The following GCNT2 variants were observed in gnomAD, a reference collection of about 807,000 sequenced individuals.
The protein encoded by GCNT2 is N-acetyllactosaminide beta-1,6-N-acetylglucosaminyl-transferase.
GCNT2 carries 34 observed loss-of-function variants against 34.2 expected under a neutral mutation model. The ratio of observed to expected loss-of-function variants is 1.00; its 90% confidence interval spans 0.76 to 1.32. The LOEUF (loss-of-function observed/expected upper bound fraction) is 1.32. Among genes scored for constraint, GCNT2 ranks in the 40% most tolerant of loss-of-function variants. The probability of loss-of-function intolerance (pLI) is 0.00; values close to 1 mark genes in which losing one functional copy is unlikely to be tolerated. For synonymous variants in GCNT2, 212 were observed against 188.0 expected, an observed-to-expected ratio of 1.13 and a Z score of -1.04; for missense variants, 584 against 489.4, an observed-to-expected ratio of 1.19 and a Z score of -1.82.
chr6:10,595,339 G>A (rs551315469), intron 3 of GCNT2, among the ~76,000 whole-genome samples: 28 of 151,828 alleles, frequency 1.8e-4, no homozygotes, highest in African/African-American at 6.0e-4. Flanking sequence ...GTGCAGTGGC[G>A]CGATCTTGGC....
At chr6:10,618,911 A>G (rs951271628) in intron 3 of GCNT2, among the ~76,000 whole-genome samples, 3 of 152,198 alleles carry the variant, frequency 2.0e-5, no homozygotes, top group Admixed American at 2.0e-4. Flanking sequence ...CCTTATAGAG[A>G]GCCCTTAGGA....
chr6:10,578,218 C>G (rs2127404081), intron 3 of GCNT2, among the ~76,000 whole-genome samples: 1 of 151,696 alleles, frequency 6.6e-6, no homozygotes, highest in Admixed American at 6.6e-5. Context: ...TAGTGAAACC[C>G]CGTGTCTAAT....
At chr6:10,550,205 C>G (rs1036805627) in intron 3 of GCNT2, among the ~76,000 whole-genome samples, 2 of 152,080 alleles carry the variant, frequency 1.3e-5, no homozygotes, top group African/African-American at 2.4e-5. Flanking sequence ...AGGTGCCCAC[C>G]ACCATGCCTG....
intron 3 of GCNT2, among the ~76,000 whole-genome samples, chr6:10,538,981 G>C (rs1420113650): frequency 6.6e-6 from 1 of 152,002 alleles, no homozygotes; most frequent in African/African-American, 2.4e-5. Flanking sequence ...AAAAAATAAG[G>C]GTTGGGCCCA....
chr6:10,562,252 C>T (rs979957776), intron 3 of GCNT2, among the ~76,000 whole-genome samples: 6 of 152,208 alleles, frequency 3.9e-5, no homozygotes, highest in Non-Finnish European at 8.8e-5. Context: ...CCCCCTATCT[C>T]TCTGCATCTC....
chr6:10,531,155 T>C (rs890812756), intron 3 of GCNT2, among the ~76,000 whole-genome samples: 3 of 152,170 alleles, frequency 2.0e-5, no homozygotes, highest in Admixed American at 2.0e-4. Context: ...ATGCACCAAT[T>C]ATAAACCAGG....
chr6:10,621,543 T>C, intron 4 of GCNT2, 100 bp downstream of exon 4: 1 of 761,308 alleles, frequency 1.3e-6, no homozygotes, highest in East Asian at 2.7e-5. Context: ...ATTGCTGCTA[T>C]ATTTAGACCA....
chr6:10,535,034 A>G (rs1248304038), intron 3 of GCNT2, among the ~76,000 whole-genome samples: 1 of 152,038 alleles, frequency 6.6e-6, no homozygotes, highest in Non-Finnish European at 1.5e-5. Context: ...AAATGCAAAA[A>G]TTAACCGGGT....
chr6:10,596,320 A>G (rs13199548), intron 3 of GCNT2, among the ~76,000 whole-genome samples: 51,364 of 151,836 alleles, frequency 0.34, 9,353 homozygotes, highest in South Asian at 0.44. Flanking sequence ...TCAGGCATTC[A>G]AGACCAGCCT....
At chr6:10,586,256 G>T (rs369674837) in intron 3 of GCNT2, 1 of 1,614,156 alleles carries the variant, frequency 6.2e-7, no homozygotes, top group Non-Finnish European at 8.5e-7. Context: ...GTCCCCTGTC[G>T]GAAGAAGAGG....
chr6:10,577,635 G>C (rs530597), intron 3 of GCNT2, among the ~76,000 whole-genome samples: 4,467 of 152,144 alleles, frequency 0.029, 195 homozygotes, highest in African/African-American at 0.098. Context: ...TCGCCTCCTG[G>C]GTTCAAGTGA....
At chr6:10,588,840 GT>G (rs1451898955) in intron 3 of GCNT2, among the ~76,000 whole-genome samples, 1 of 146,396 alleles carries the variant, frequency 6.8e-6, no homozygotes, top group Non-Finnish European at 1.5e-5. Context: ...TATGTGTGTG[GT>G]GTGTGTGTGG....
intron 3 of GCNT2, among the ~76,000 whole-genome samples, chr6:10,572,903 G>C (rs1763615865): frequency 6.6e-6 from 1 of 152,164 alleles, no homozygotes. Flanking sequence ...TTAATTTCTA[G>C]GAAAGCAGAA....
intron 3 of GCNT2, among the ~76,000 whole-genome samples, chr6:10,546,502 CA>C (rs541199501): frequency 6.6e-6 from 1 of 151,848 alleles, no homozygotes; most frequent in South Asian, 2.1e-4. Flanking sequence ...ACTAAAAATA[CA>C]AAAAAATTAG....
chr6:10,588,986 T>G (rs1417267905), intron 3 of GCNT2, among the ~76,000 whole-genome samples: 7 of 134,002 alleles, frequency 5.2e-5, no homozygotes, highest in African/African-American at 1.1e-4. Flanking sequence ...TATGGTGTGG[T>G]TGTGTGGTGT....
intron 3 of GCNT2, among the ~76,000 whole-genome samples, chr6:10,562,569 T>G (rs1763036194): frequency 7.0e-6 from 1 of 143,812 alleles, no homozygotes. Flanking sequence ...AATAAATTAT[T>G]CACCAGGCAT....
At chr6:10,566,386 C>T (rs1763285767) in intron 3 of GCNT2, among the ~76,000 whole-genome samples, 1 of 152,190 alleles carries the variant, frequency 6.6e-6, no homozygotes, top group Non-Finnish European at 1.5e-5. Flanking sequence ...AAGCCTTGAC[C>T]TCCTAGGCTC....
intron 3 of GCNT2, among the ~76,000 whole-genome samples, chr6:10,610,375 C>T (rs1458424392): frequency 1.3e-5 from 2 of 152,208 alleles, no homozygotes; most frequent in African/African-American, 4.8e-5. Context: ...TGAAGGCCTT[C>T]ACCACCTCAG....
intron 1 of GCNT2, among the ~76,000 whole-genome samples, chr6:10,523,972 CAAAAAAAAAA>C (rs774638226): frequency 1.5e-5 from 1 of 68,362 alleles, no homozygotes; most frequent in African/African-American, 5.9e-5. Flanking sequence ...GACTCTGTCT[CAAAAAAAAAA>C]AAAAAAAAAA....
Sources: allele counts gnomAD v4.1 joint callset (sites outside exome capture counted in the v4.1 genomes callset), GRCh38; gene constraint gnomAD v4.1.1; transcripts MANE v1.5; gene names NCBI Gene and HGNC (gene_info 2026-07-23, HGNC 2026-07-21).